Variants in ARSD observed in about 807,000 individuals in gnomAD.
ARSD encodes arylsulfatase D, also known as testis tissue sperm-binding protein Li 39a.
In ARSD, 21 loss-of-function variants were observed where a neutral mutation model predicts 32.6. The observed-to-expected ratio is 0.64, with a 90% CI of 0.46 to 0.93. The LOEUF is 0.93. ARSD is among the 40% of genes least tolerant of loss of function. ARSD has a pLI of 0.00. For missense variants in ARSD, 454 were observed against 520.9 expected (o/e 0.87, Z 1.25); for synonymous variants, 224 against 237.4 (o/e 0.94, Z 0.52).
At chrX:2,924,977 C>T (rs1990068136) in intron 2 of ARSD, among the ~76,000 whole-genome samples, 1 of 111,721 alleles carries the variant, frequency 9.0e-6, no homozygotes, top group South Asian at 3.8e-4. Context: ...GATTAGGGCT[C>T]ACCCTAAGGA....
At chrX:2,920,259 A>C (rs2089016035) in intron 4 of ARSD, 1 of 228,781 alleles carries the variant, frequency 4.4e-6, no homozygotes, top group Non-Finnish European at 7.8e-6. Flanking sequence ...AAGAAGAAAA[A>C]AAAACTCATG....
At chrX:2,915,748 C>A in intron 5 of ARSD, 56 bp from the exon 6 acceptor site, 1 of 1,120,460 alleles carries the variant, frequency 8.9e-7, no homozygotes. Flanking sequence ...ACCAAAGGGA[C>A]CCCTGCACCC....
Position 2,929,107 on chromosome X carries a change from G to A in ARSD, c.44+125C>T, listed in dbSNP as rs1273900172. ...TACATTTTGGAGACTACAAGGCGCC[G>A]GACACAACCACGCCCTTTACAGGGG... On this transcript the variant is annotated intron_variant, in intron 1 of 9. Transcript: ENST00000381154. The A allele has an allele frequency of 1.1e-5, 7 of 658,284 alleles. No homozygotes were observed. The East Asian group carries it at 1.4e-4, about 13-fold the overall frequency. 54.2% of individuals were successfully genotyped at this position (658,284 alleles called of 1,213,427 possible).
intron 2 of ARSD, among the ~76,000 whole-genome samples, chrX:2,923,736 A>G (rs1235460558): frequency 8.9e-6 from 1 of 111,755 alleles, no homozygotes; most frequent in African/African-American, 3.2e-5. Context: ...TCACGTCTCT[A>G]AAGACTCAGT....
At chrX:2,917,496 CAG>C (rs1239131766) in intron 5 of ARSD, among the ~76,000 whole-genome samples, 2 of 110,132 alleles carry the variant, frequency 1.8e-5, no homozygotes, top group African/African-American at 6.6e-5. Flanking sequence ...TTTTTAGCGA[CAG>C]AGTCTCACTC....
intron 1 of ARSD, 120 bp downstream of exon 1, chrX:2,929,112 C>A: frequency 8.5e-6 from 6 of 703,876 alleles, no homozygotes; most frequent in Non-Finnish European, 1.1e-5. Context: ...GCGCCGGACA[C>A]AACCACGCCC....
At position 2,909,683 on chromosome X, in the gene ARSD, C is replaced by CAAAAAAA. The variant is rs751282477; in HGVS notation, c.1298+127_1298+133dup. On this transcript the variant is annotated intron_variant, in intron 8 of 9. Coordinates refer to ENST00000381154, the MANE Select transcript of ARSD (RefSeq NM_001669.4). ...TGGGCAAGAGTGTGAGACTCTGTCT[C>CAAAAAAA]AAAAAAAAAAAAAAAAAAAAGCTTA... 4 of 289,505 alleles carry CAAAAAAA rather than the reference C, an allele frequency of 1.4e-5. No homozygotes were observed. The African/African-American group carries it at 2.3e-4, about 17-fold the overall frequency. 23.9% of individuals were successfully genotyped at this position (289,505 alleles called of 1,213,427 possible).
intron 3 of ARSD, among the ~76,000 whole-genome samples, chrX:2,921,647 G>A (rs1434042393): frequency 8.9e-6 from 1 of 112,556 alleles, no homozygotes; most frequent in African/African-American, 3.2e-5. Flanking sequence ...CTTGTGATCA[G>A]TCATACTGGC....
At chrX:2,908,191 C>T (rs2088868591) in intron 9 of ARSD, among the ~76,000 whole-genome samples, 1 of 110,905 alleles carries the variant, frequency 9.0e-6, no homozygotes. Context: ...ATCTATCTGT[C>T]CATCCATCTA....
rs1271312382 is a variant in ARSD at position 2,917,805 on chromosome X, T to C, written c.862A>G (p.Arg288Gly). Residue 288 changes from arginine to glycine, a missense_variant and splice_region_variant, in exon 5 of 10, where the codon AGA becomes GGA. Physicochemically the swap from Arg to Gly is moderately radical, Grantham distance 125. Around this residue, in one of 3 missense-constraint regions of ARSD, gnomAD observed 271 missense variants for 301.0 expected, o/e 0.90. Coordinates refer to ENST00000381154, the MANE Select transcript of ARSD (RefSeq NM_001669.4). ...MLKEAVSYIE[R>G]HKHGPFLLFL... ...CTTTAAGATGCGATGGTTGCTTACC[T>C]TTCAATATAGGAAACAGCTTCCTTT... The C allele has an allele frequency of 1.3e-5, 16 of 1,203,437 alleles. No individual in the cohort carries two copies. Among genetic ancestry groups the C allele is most frequent in the Non-Finnish European group, 1.8e-5 (16 of 890,668 alleles).
At chrX:2,911,651 C>T in intron 6 of ARSD, among the ~76,000 whole-genome samples, 1 of 80,858 alleles carries the variant, frequency 1.2e-5, no homozygotes, top group Non-Finnish European at 2.2e-5. Context: ...GCCTGGGCGA[C>T]AGGGTGAGAC....
chrX:2,914,897 C>A (rs942904709), intron 6 of ARSD: 2 of 891,534 alleles, frequency 2.2e-6, no homozygotes, highest in East Asian at 1.4e-4. Flanking sequence ...ATTAAAGAGA[C>A]AGGGTCTCAC....
At chrX:2,929,190 C>T in intron 1 of ARSD, 42 bp downstream of exon 1, 2 of 1,029,484 alleles carry the variant, frequency 1.9e-6, no homozygotes, top group East Asian at 4.1e-5. Context: ...CAGGCCCCCA[C>T]CCTAGGCCTT....
chrX:2,925,178 C>T (rs1445029679), intron 2 of ARSD, among the ~76,000 whole-genome samples: 2 of 111,810 alleles, frequency 1.8e-5, no homozygotes, highest in Non-Finnish European at 3.8e-5. Flanking sequence ...CTGCAATGGC[C>T]GGTGTCCTTA....
At chrX:2,924,803 G>T (rs781109598) in intron 2 of ARSD, among the ~76,000 whole-genome samples, 2 of 112,155 alleles carry the variant, frequency 1.8e-5, no homozygotes, top group South Asian at 3.7e-4. Context: ...AGACACAGGG[G>T]AGAAGGCCGC....
intron 6 of ARSD, chrX:2,913,754 G>C: frequency 2.2e-6 from 2 of 922,091 alleles, no homozygotes; most frequent in South Asian, 5.0e-5. Context: ...TTGGATGTGT[G>C]TCCCCGCCCA....
At chrX:2,913,308 G>T (rs1472662506) in intron 6 of ARSD, among the ~76,000 whole-genome samples, 1 of 111,885 alleles carries the variant, frequency 8.9e-6, no homozygotes. Flanking sequence ...AGAGAAAATA[G>T]ATTGTAAATG....
chrX:2,905,092 G>A lies in ARSD; in HGVS notation c.*2179C>T, dbSNP rs1300129353. 1 of 339,881 alleles carries A rather than the reference G, an allele frequency of 2.9e-6. No individual in the cohort carries two copies. Among genetic ancestry groups the A allele is most frequent in the East Asian group, 9.7e-5 (1 of 10,278 alleles). 28.0% of individuals were successfully genotyped at this position (339,881 alleles called of 1,213,427 possible). On this transcript the variant is annotated 3_prime_UTR_variant, in exon 10 of 10. Transcript: ENST00000381154. ...AGGATTTGGACACAGGGAGCCAGGGGAGAGGGGCATCAGCTGCCTGGTTAG... is the reference window on the plus strand; with the variant it reads ...AGGATTTGGACACAGGGAGCCAGGGAAGAGGGGCATCAGCTGCCTGGTTAG...
chrX:2,914,890 A>G (rs377295657), intron 6 of ARSD: 2 of 914,618 alleles, frequency 2.2e-6, no homozygotes, highest in Non-Finnish European at 2.8e-6. Flanking sequence ...TATTATTATT[A>G]AAGAGACAGG....
Sources: allele counts gnomAD v4.1 joint callset (sites outside exome capture counted in the v4.1 genomes callset), GRCh38; gene constraint gnomAD v4.1.1; regional missense constraint gnomAD v4.1.1; transcripts MANE v1.5; gene names NCBI Gene and HGNC (gene_info 2026-07-23, HGNC 2026-07-21).